SUCO: variants seen among roughly 807,000 people sequenced by gnomAD.
SUCO encodes the protein SUN domain-containing ossification factor.
SUCO carries 57 observed loss-of-function variants against 148.1 expected under a neutral mutation model. The observed-to-expected ratio is 0.38, with a 90% confidence interval of 0.31 to 0.48. The LOEUF is 0.48. Ranked by LOEUF, SUCO falls within the 20% of genes least tolerant of loss-of-function variation. The probability of loss-of-function intolerance (pLI) is 0.96; values close to 1 mark genes in which losing one functional copy is unlikely to be tolerated. For missense variants in SUCO, 1,331 were observed against 1,468.2 expected (o/e 0.91, Z 1.53); for synonymous variants, 470 against 502.7 (o/e 0.93, Z 0.87).
intron 22 of SUCO, among the ~76,000 whole-genome samples, chr1:172,603,845 G>A (rs1657685846): frequency 6.6e-6 from 1 of 151,846 alleles, no homozygotes; most frequent in Admixed American, 6.6e-5. Flanking sequence ...ATAGGCATTT[G>A]TTTATTTTCG....
chr1:172,581,169 A>T (rs76557145), intron 15 of SUCO, among the ~76,000 whole-genome samples: 5,119 of 152,254 alleles, frequency 0.034, 264 homozygotes, highest in African/African-American at 0.11. Context: ...CCCTGTTTGT[A>T]TTCATGTCTC....
intron 6 of SUCO, among the ~76,000 whole-genome samples, chr1:172,567,915 A>C (rs1159019082): frequency 1.3e-5 from 2 of 152,222 alleles, no homozygotes; most frequent in South Asian, 4.1e-4. Context: ...GACCAGCACC[A>C]GTCCATGGCC....
In SUCO at chr1:172,550,607, T is replaced by C. The variant is rs566376139; in HGVS notation, c.63-905T>C. Among the ~76,000 whole-genome samples, 3 of 152,128 alleles carry C rather than the reference T, an allele frequency of 2.0e-5. No homozygotes were observed. In the East Asian group the frequency reaches 5.8e-4, roughly 29 times the overall value. On this transcript the variant is annotated intron_variant, in intron 1 of 23. Coordinates refer to ENST00000263688, the MANE Select transcript of SUCO (RefSeq NM_014283.5). ...TTCCATTTTTATGCCTCTTTTATCT[T>C]CATGTTTTGTAATGCTAATGAAAAT... is the stretch of plus-strand genomic sequence containing the variant.
chr1:172,538,168 G>A (rs1652165597), intron 1 of SUCO, among the ~76,000 whole-genome samples: 1 of 152,174 alleles, frequency 6.6e-6, no homozygotes, highest in South Asian at 2.1e-4. Context: ...GATTGCTGTG[G>A]AGGGTAAAGT....
intron 14 of SUCO, 67 bp downstream of exon 14, chr1:172,578,456 G>C: frequency 6.7e-7 from 1 of 1,499,620 alleles, no homozygotes; most frequent in Non-Finnish European, 9.1e-7. Context: ...GAATAGTAAT[G>C]GGGGAGTATA....
rs192808751 is a variant in SUCO at position 172,535,997 on chromosome 1, T to G, written c.62+2500T>G. Among the ~76,000 whole-genome samples, 580 of 152,282 alleles carry G rather than the reference T, an allele frequency of 3.8e-3. 3 individuals are homozygous for G. Among genetic ancestry groups the G allele is most frequent in the Non-Finnish European group, 6.6e-3 (448 of 68,010 alleles). ...TAATTTTTGATCAAGTAGTATAGAG[T>G]ATTCTAGGCATAAATGCACTATAGC... On this transcript the variant is annotated intron_variant, in intron 1 of 23. Transcript: ENST00000263688.
chr1:172,553,036 A>C (rs1373564039), intron 2 of SUCO, among the ~76,000 whole-genome samples: 2 of 152,124 alleles, frequency 1.3e-5, no homozygotes, highest in Admixed American at 1.3e-4. Context: ...TTAAGAAATC[A>C]AATGAAGTTC....
In SUCO at chr1:172,557,348, G is replaced by T. The variant is rs140836766; in HGVS notation, c.512G>T (p.Cys171Phe). The T allele has an allele frequency of 2.9e-5, 46 of 1,613,920 alleles. No homozygotes were observed. Among genetic ancestry groups the T allele is most frequent in the Non-Finnish European group, 3.5e-5 (41 of 1,179,928 alleles). Reference protein sequence around the residue: ...PSETEQSETDCDVGEALDASA... With the variant: ...PSETEQSETDFDVGEALDASA... ...GAAACTGAGCAGTCTGAAACTGATT[G>T]TGATGTTGGTGAGGCCCTTGATGCT... The change falls in exon 5 of 24, where the codon TGT becomes TTT. Residue 171 changes from cysteine (C) to phenylalanine (F), a missense_variant. Physicochemically the swap from Cys to Phe is radical, Grantham distance 205 (BLOSUM62 -2). This residue lies in a region of SUCO where 992 missense variants were observed against 1,093.5 expected (regional missense o/e 0.91). Transcript: ENST00000263688.
At chr1:172,554,900 G>A (rs1202733000) in intron 3 of SUCO, among the ~76,000 whole-genome samples, 5 of 151,932 alleles carry the variant, frequency 3.3e-5, no homozygotes, top group Admixed American at 6.6e-5. Context: ...GAATTTCTCG[G>A]TGTAAATAAT....
rs1368110575 is a variant in SUCO, at chr1:172,575,866, A to G, written c.1263+243A>G. Among the ~76,000 whole-genome samples, 5 of 151,974 alleles carry G rather than the reference A, an allele frequency of 3.3e-5. 1 individual carries two copies. The highest frequency in any genetic ancestry group is 6.8e-3 in the Middle Eastern group (2 of 294). ...TATGGCCCTGATAAAATTCCAAATTATAACTATTTAAGTTTTTTGAGTCTT... is the reference window on the plus strand; with the variant it reads ...TATGGCCCTGATAAAATTCCAAATTGTAACTATTTAAGTTTTTTGAGTCTT... On this transcript the variant is annotated intron_variant, in intron 11 of 23. Coordinates refer to ENST00000263688, the MANE Select transcript of SUCO (RefSeq NM_014283.5).
At chr1:172,549,548 G>A (rs1005198857) in intron 1 of SUCO, among the ~76,000 whole-genome samples, 2 of 151,802 alleles carry the variant, frequency 1.3e-5, no homozygotes, top group African/African-American at 2.4e-5. Flanking sequence ...ATTTTTAAAA[G>A]GTATTTTTTT....
chr1:172,591,361 T>G (rs974895698), intron 19 of SUCO, among the ~76,000 whole-genome samples: 10 of 152,074 alleles, frequency 6.6e-5, no homozygotes. Context: ...GCCATGTTGG[T>G]GTGCTGCTGC....
At chr1:172,609,755 G>A in intron 23 of SUCO, 61 bp from the exon 24 acceptor site, 1 of 1,536,966 alleles carries the variant, frequency 6.5e-7, no homozygotes, top group Non-Finnish European at 8.7e-7. Context: ...AGCTCTCTAG[G>A]TGTTTGATAA....
intron 17 of SUCO, chr1:172,588,178 T>C (rs1410841328): frequency 3.0e-6 from 3 of 985,192 alleles, no homozygotes; most frequent in South Asian, 4.7e-5. Flanking sequence ...GGTGTGTGTG[T>C]GCGTTGTGTG....
At chr1:172,558,939 CA>C (rs1653941393) in intron 6 of SUCO, among the ~76,000 whole-genome samples, 1 of 152,088 alleles carries the variant, frequency 6.6e-6, no homozygotes, top group Non-Finnish European at 1.5e-5. Flanking sequence ...TGCTAATCGG[CA>C]AAAGAGTAGA....
intron 2 of SUCO, among the ~76,000 whole-genome samples, chr1:172,552,958 T>A (rs1653414581): frequency 6.6e-6 from 1 of 152,102 alleles, no homozygotes; most frequent in Non-Finnish European, 1.5e-5. Context: ...TATCTTCATT[T>A]GTCAGGTATT....
At chr1:172,605,023 T>C (rs1050987722) in intron 22 of SUCO, among the ~76,000 whole-genome samples, 4 of 151,794 alleles carry the variant, frequency 2.6e-5, no homozygotes, top group African/African-American at 9.7e-5. Context: ...TTGGATTGTT[T>C]GAGTTTTTTG....
chr1:172,591,915 A>G (rs979302315), intron 19 of SUCO, among the ~76,000 whole-genome samples: 2 of 152,102 alleles, frequency 1.3e-5, no homozygotes, highest in East Asian at 1.9e-4. Flanking sequence ...CAGTGTTCCT[A>G]TTTCTCCACA....
At chr1:172,558,264 G>T (rs1216370681) in intron 6 of SUCO, among the ~76,000 whole-genome samples, 1 of 152,138 alleles carries the variant, frequency 6.6e-6, no homozygotes, top group Non-Finnish European at 1.5e-5. Context: ...TTATATTTTA[G>T]AGTGTGATTC....
Sources: gnomAD v4.1 joint callset for allele counts (sites outside exome capture counted in the v4.1 genomes callset) on GRCh38, gnomAD v4.1.1 for gene constraint, gnomAD v4.1.1 regional missense constraint, MANE v1.5 for transcripts, NCBI Gene and HGNC (gene_info 2026-07-23, HGNC 2026-07-21) for gene names.